ZNF652: variants seen among roughly 807,000 people sequenced by gnomAD.
ZNF652 encodes zinc finger protein 652.
A neutral mutation model predicts 45.2 loss-of-function variants in ZNF652; 16 were observed. The ratio of observed to expected loss-of-function variants is 0.35; its 90% CI spans 0.24 to 0.54. ZNF652 has a LOEUF of 0.54. ZNF652 is among the 20% of genes least tolerant of loss of function. The pLI is 0.91. For missense variants in ZNF652, 614 were observed against 765.6 expected, an observed-to-expected ratio of 0.80 and a Z score of 2.34; for synonymous variants, 250 against 260.6, an observed-to-expected ratio of 0.96 and a Z score of 0.39.
intron 1 of ZNF652, among the ~76,000 whole-genome samples, chr17:49,343,961 G>A (rs2070176427): frequency 6.6e-6 from 1 of 152,160 alleles, no homozygotes; most frequent in South Asian, 2.1e-4. Context: ...CACTTTGGGA[G>A]GCCGAGGCGG....
chr17:49,298,039 T>G lies in ZNF652; in HGVS notation c.*374A>C. On this transcript the variant is annotated 3_prime_UTR_variant, in exon 6 of 6. Coordinates refer to ENST00000430262, the MANE Select transcript of ZNF652 (RefSeq NM_001145365.3). ...TGGATTAATCTCACAGCCTTCCCGA[T>G]TAGTACAAAGGAAACCAGGCCTATC... The G allele has an allele frequency of 4.6e-6, 1 of 215,900 alleles. No homozygotes were observed. Among genetic ancestry groups the G allele is most frequent in the Non-Finnish European group, 9.3e-6 (1 of 107,014 alleles). The allele number at this position is 215,900 out of a possible 1,614,324, so 13.4% of individuals were successfully genotyped here. A position where few individuals can be genotyped will look rare whatever the true frequency, so the allele number is the denominator to read the frequency against.
intron 5 of ZNF652, among the ~76,000 whole-genome samples, chr17:49,304,990 T>C (rs2069609299): frequency 6.6e-6 from 1 of 152,094 alleles, no homozygotes; most frequent in Non-Finnish European, 1.5e-5. Flanking sequence ...TCAAACTGCT[T>C]ACGTGAATGC....
intron 1 of ZNF652, among the ~76,000 whole-genome samples, chr17:49,361,407 T>C (rs2070391835): frequency 6.6e-6 from 1 of 151,684 alleles, no homozygotes; most frequent in African/African-American, 2.4e-5. Context: ...GGGGTGAGTG[T>C]GGGGCTGCCG....
At chr17:49,339,525 G>A (rs1022030246) in intron 1 of ZNF652, among the ~76,000 whole-genome samples, 5 of 152,050 alleles carry the variant, frequency 3.3e-5, no homozygotes, top group South Asian at 2.1e-4. Context: ...GCCAGAAATC[G>A]TTGCAACTTT....
rs980469204 is a variant in ZNF652 at position 49,297,409 on chromosome 17, G to C, written c.*1004C>G. 5.9e-5 allele frequency: 9 copies of C among 152,398 alleles called. No homozygotes were observed. The highest frequency in any genetic ancestry group is 5.2e-4 in the Admixed American group (8 of 15,258). 9.4% of individuals were successfully genotyped at this position (152,398 alleles called of 1,614,324 possible). A position where few individuals can be genotyped will look rare whatever the true frequency, so the allele number is the denominator to read the frequency against. The stretch of plus-strand genomic sequence containing the variant: ...TTATTCAAATTTTCAAAACATGCAA[G>C]CTTTAGGTGACTTCCCTGGAAAAGG... On this transcript the variant is annotated 3_prime_UTR_variant, in exon 6 of 6. Coordinates refer to ENST00000430262, the MANE Select transcript of ZNF652 (RefSeq NM_001145365.3).
At chr17:49,336,942 G>GTT (rs200178711) in intron 1 of ZNF652, among the ~76,000 whole-genome samples, 10 of 115,132 alleles carry the variant, frequency 8.7e-5, no homozygotes, top group Admixed American at 2.9e-4. Flanking sequence ...TCTTAATGGT[G>GTT]TTTTTTTTTT....
intron 3 of ZNF652, 133 bp downstream of exon 3, chr17:49,312,565 G>T: frequency 1.1e-6 from 1 of 899,882 alleles, no homozygotes; most frequent in Non-Finnish European, 1.7e-6. Flanking sequence ...ACTTACTGAA[G>T]ACATAATGCA....
chr17:49,319,057 G>A (rs1440749133), intron 1 of ZNF652, among the ~76,000 whole-genome samples: 1 of 152,014 alleles, frequency 6.6e-6, no homozygotes, highest in Admixed American at 6.6e-5. Context: ...AGGTTGATAT[G>A]GTTCCAAGAA....
intron 1 of ZNF652, among the ~76,000 whole-genome samples, chr17:49,335,638 T>C (rs1466058949): frequency 6.6e-6 from 1 of 152,228 alleles, no homozygotes; most frequent in Non-Finnish European, 1.5e-5. Flanking sequence ...AATATATATA[T>C]AACAGCCAGT....
chr17:49,310,040 G>A (rs1482692957), intron 5 of ZNF652, among the ~76,000 whole-genome samples: 2 of 152,016 alleles, frequency 1.3e-5, no homozygotes, highest in African/African-American at 2.4e-5. Context: ...TGCAAGCTCC[G>A]CCTCCTGGGT....
In ZNF652 at chr17:49,295,659, GT is replaced by G. The variant is rs1401001085; in HGVS notation, c.*2753del. 3 of 152,270 alleles carry G rather than the reference GT, an allele frequency of 2.0e-5. No homozygotes were observed. The East Asian group carries it at 5.8e-4, about 29-fold the overall frequency. The allele number at this position is 152,270 out of a possible 1,614,324, so 9.4% of individuals were successfully genotyped here. A position where few individuals can be genotyped will look rare whatever the true frequency, so the allele number is the denominator to read the frequency against. ...AATTTATTCAGAACAAAATAAGGCA[GT>G]TGGACGTGGTGGCTCACGCCTGTAA... is the stretch of plus-strand genomic sequence containing the variant. On this transcript the variant is annotated 3_prime_UTR_variant, in exon 6 of 6. Coordinates refer to ENST00000430262, the MANE Select transcript of ZNF652 (RefSeq NM_001145365.3).
At chr17:49,333,893 G>C (rs2070053589) in intron 1 of ZNF652, among the ~76,000 whole-genome samples, 1 of 152,026 alleles carries the variant, frequency 6.6e-6, no homozygotes, top group Non-Finnish European at 1.5e-5. Context: ...GTGTTGGTGA[G>C]GATGTGAAGA....
chr17:49,321,513 ACC>A (rs2069892610), intron 1 of ZNF652, among the ~76,000 whole-genome samples: 1 of 131,392 alleles, frequency 7.6e-6, no homozygotes, highest in South Asian at 2.4e-4. Context: ...CAGGTGATCC[ACC>A]CGCCTTGACC....
intron 1 of ZNF652, among the ~76,000 whole-genome samples, chr17:49,337,583 A>G (rs1051598279): frequency 5.9e-5 from 9 of 152,196 alleles, no homozygotes; most frequent in African/African-American, 2.2e-4. Flanking sequence ...TTCATGAGAC[A>G]TCCAGTATAT....
Position 49,356,429 on chromosome 17 carries a change from CAAAAAAAAAAAAA to C in ZNF652, c.-259+5467_-259+5479del, listed in dbSNP as rs35374808. On this transcript the variant is annotated intron_variant, in intron 1 of 5. Coordinates refer to ENST00000430262, the MANE Select transcript of ZNF652 (RefSeq NM_001145365.3). ...GGGGGACAGAACAAGACTCTGTCTG[CAAAAAAAAAAAAA>C]AAAAAAAAATCAAAACCAAAAAAAA... is the stretch of plus-strand genomic sequence containing the variant. Among the ~76,000 whole-genome samples, 120 of 42,352 alleles carry C rather than the reference CAAAAAAAAAAAAA, an allele frequency of 2.8e-3. 1 individual carries two copies. Among genetic ancestry groups the C allele is most frequent in the African/African-American group, 0.011 (106 of 9,424 alleles). The allele number at this position is 42,352 out of a possible 152,430, so 27.8% of individuals were successfully genotyped here.
intron 2 of ZNF652, among the ~76,000 whole-genome samples, chr17:49,315,853 TTTAAAGTAGAGCAA>T (rs1226829676): frequency 6.6e-6 from 1 of 152,198 alleles, no homozygotes; most frequent in Admixed American, 6.5e-5. Flanking sequence ...TTTAAAACTC[TTTAAAGTAGAGCAA>T]TGATCTCAGA....
At chr17:49,345,362 C>T (rs1381705754) in intron 1 of ZNF652, among the ~76,000 whole-genome samples, 1 of 151,328 alleles carries the variant, frequency 6.6e-6, no homozygotes, top group Non-Finnish European at 1.5e-5. Context: ...TCCACTAGGC[C>T]CAGCTAATTT....
rs1377908824 is a variant in ZNF652, at chr17:49,290,409, G to A, written c.*8004C>T. 6.6e-6 allele frequency: 1 copy of A among 152,234 alleles called. No individual in the cohort carries two copies. The highest frequency in any genetic ancestry group is 1.5e-5 in the Non-Finnish European group (1 of 68,070). 9.4% of individuals were successfully genotyped at this position (152,234 alleles called of 1,614,324 possible). ...AGGGAGCACACACAGTTTCTAACCT[G>A]GAGTGCCCGTTGCACTGGTCAGGAG... On this transcript the variant is annotated 3_prime_UTR_variant, in exon 6 of 6. Transcript: ENST00000430262.
chr17:49,356,353 C>T (rs149201370), intron 1 of ZNF652, among the ~76,000 whole-genome samples: 1,779 of 127,850 alleles, frequency 0.014, 27 homozygotes, highest in African/African-American at 0.048. Flanking sequence ...TGCTTGAACC[C>T]GGGAGGCGGA....
Sources: allele counts gnomAD v4.1 joint callset (sites outside exome capture counted in the v4.1 genomes callset), GRCh38; gene constraint gnomAD v4.1.1; transcripts MANE v1.5; gene names NCBI Gene and HGNC (gene_info 2026-07-23, HGNC 2026-07-21).